The following RPS6KA4 variants were observed in gnomAD, a reference collection of about 807,000 sequenced individuals.
The protein encoded by RPS6KA4 is ribosomal protein S6 kinase A4.
A neutral mutation model predicts 89.6 loss-of-function variants in RPS6KA4; 38 were observed. The ratio of observed to expected loss-of-function variants is 0.42; its 90% CI spans 0.33 to 0.56. The LOEUF is 0.56. Among genes scored for constraint, RPS6KA4 ranks in the 20% least tolerant of loss-of-function variants. The pLI, the probability that RPS6KA4 is intolerant of heterozygous loss-of-function variation, is 0.07. For synonymous variants in RPS6KA4, 495 were observed against 492.8 expected, an observed-to-expected ratio of 1.00 and a Z score of -0.06; for missense variants, 873 against 1,098.8, an observed-to-expected ratio of 0.79 and a Z score of 2.90.
At chr11:64,362,418 C>T (rs2036779242) in intron 8 of RPS6KA4, among the ~76,000 whole-genome samples, 2 of 152,234 alleles carry the variant, frequency 1.3e-5, no homozygotes, top group East Asian at 3.8e-4. Context: ...GCATTTTGTT[C>T]TTTGTCCCCG....
At chr11:64,359,863 A>G in intron 2 of RPS6KA4, 2 of 539,236 alleles carry the variant, frequency 3.7e-6, no homozygotes, top group East Asian at 3.2e-5. Flanking sequence ...ATCTTTTCAC[A>G]TCCATCTGAT....
rs199836004 is a variant in RPS6KA4, at chr11:64,368,202, C to T, written c.1142C>T (p.Ala381Val). Residue 381 changes from alanine to valine, a missense_variant, in exon 10 of 17, where the codon GCG becomes GTG. By Grantham distance (64) the Ala-to-Val change is moderately conservative. Around this residue, in one of 4 missense-constraint regions of RPS6KA4, gnomAD observed 542 missense variants for 736.4 expected, o/e 0.74. Transcript: ENST00000334205. ...NNAVMTDGLE[A>V]PGAGDRPGRA... ...GCGGTGATGACCGATGGGCTGGAAG[C>T]GCCTGGTGCTGGAGACCGGCCAGGT... The T allele has an allele frequency of 1.9e-6, 3 of 1,613,698 alleles. No individual in the cohort carries two copies. The highest frequency in any genetic ancestry group is 2.5e-6 in the Non-Finnish European group (3 of 1,180,016).
chr11:64,365,244 G>A, intron 8 of RPS6KA4, 57 bp from the exon 9 acceptor site: 2 of 1,574,928 alleles, frequency 1.3e-6, no homozygotes, highest in Non-Finnish European at 1.7e-6. Flanking sequence ...TGGGCTGAGT[G>A]GAGGGAGTTT....
intron 8 of RPS6KA4, among the ~76,000 whole-genome samples, chr11:64,362,959 C>T (rs2036794189): frequency 6.6e-6 from 1 of 152,200 alleles, no homozygotes; most frequent in African/African-American, 2.4e-5. Flanking sequence ...GTGTGAGCCA[C>T]CACGCCCTGC....
chr11:64,368,563 G>C lies in RPS6KA4; in HGVS notation c.1296G>C (p.Gln432His), dbSNP rs1591318030. The C allele has an allele frequency of 6.3e-7, 1 of 1,598,702 alleles. No homozygotes were observed. The highest frequency in any genetic ancestry group is 8.5e-7 in the Non-Finnish European group (1 of 1,175,120). ...FSVCRRCRQRQSGQEFAVKIL... is the reference protein window; with the variant it reads ...FSVCRRCRQRHSGQEFAVKIL... Reference sequence around the variant, plus strand: ...TGTGTCGCCGCTGCCGCCAGCGCCAGAGCGGCCAGGAGTTCGCAGTCAAGA... The same window carrying C: ...TGTGTCGCCGCTGCCGCCAGCGCCACAGCGGCCAGGAGTTCGCAGTCAAGA... Residue 432 changes from glutamine (Q) to histidine (H), a missense_variant, in exon 11 of 17, where the codon CAG becomes CAC. Physicochemically the swap from Gln to His is conservative, Grantham distance 24. Coordinates refer to ENST00000334205, the MANE Select transcript of RPS6KA4 (RefSeq NM_003942.3).
rs2036670667 is a variant in RPS6KA4, at chr11:64,359,280, G to A, written c.45G>A (p.Arg15=). ...ATGAGAGCTGCGCCGTGGAGCTGCG[G>A]ATCACAGAAGGTGGGTGTGGGGCCT... ...DDDESCAVEL[R]ITEANLTGHE... The change falls in exon 1 of 17, where the codon CGG becomes CGA. Residue 15 remains arginine, a synonymous_variant. Transcript: ENST00000334205. 6.4e-7 allele frequency: 1 copy of A among 1,570,488 alleles called. No individual in the cohort carries two copies. The highest frequency in any genetic ancestry group is 8.7e-7 in the Non-Finnish European group (1 of 1,155,980).
Position 64,360,216 on chromosome 11 carries a change from C to T in RPS6KA4, c.181C>T (p.Leu61=). 1 of 1,548,390 alleles carries T rather than the reference C, an allele frequency of 6.5e-7. No individual in the cohort carries two copies. Among genetic ancestry groups the T allele is most frequent in the Non-Finnish European group, 8.7e-7 (1 of 1,146,944 alleles). Residue 61 remains leucine, a synonymous_variant, in exon 3 of 17, where the codon CTG becomes TTG. Coordinates refer to ENST00000334205, the MANE Select transcript of RPS6KA4 (RefSeq NM_003942.3). ...RKAGGHDAGK[L]YAMKVLRKAA... is the part of the protein sequence containing the mutation. ...GGCGGGCGGGCACGACGCGGGGAAG[C>T]TGTACGCCATGAAGGTGCTGCGCAA... is the stretch of plus-strand genomic sequence containing the variant.
At chr11:64,368,640 G>T (rs961380825) in intron 11 of RPS6KA4, 39 bp downstream of exon 11, 1 of 1,579,684 alleles carries the variant, frequency 6.3e-7, no homozygotes, top group Non-Finnish European at 8.6e-7. Context: ...GGGGGTGGCA[G>T]AGCGCTGTCC....
At chr11:64,365,207 C>G in intron 8 of RPS6KA4, 94 bp from the exon 9 acceptor site, 1 of 1,454,802 alleles carries the variant, frequency 6.9e-7, no homozygotes, top group Non-Finnish European at 9.4e-7. Flanking sequence ...TGGGCCCTTG[C>G]CTCATGGAGG....
intron 9 of RPS6KA4, among the ~76,000 whole-genome samples, chr11:64,367,468 G>A (rs996508510): frequency 5.3e-5 from 8 of 152,142 alleles, no homozygotes; most frequent in South Asian, 4.1e-4. Flanking sequence ...GTGCCACCAC[G>A]CCTGGCTAAT....
intron 4 of RPS6KA4, among the ~76,000 whole-genome samples, chr11:64,360,812 C>T (rs1417268595): frequency 1.3e-5 from 2 of 152,150 alleles, no homozygotes; most frequent in East Asian, 1.9e-4. Flanking sequence ...AGGGGCTTTC[C>T]TCTTTCAGGG....
At position 64,370,601 on chromosome 11, in the gene RPS6KA4, G is replaced by T; in HGVS notation, c.1996G>T (p.Glu666Ter). 1 of 1,587,842 alleles carries T rather than the reference G, an allele frequency of 6.3e-7. No individual in the cohort carries two copies. The highest frequency in any genetic ancestry group is 8.5e-7 in the Non-Finnish European group (1 of 1,174,002). ...TVDPAKRLKL[E>*]GLRGSSWLQD... ...GGACCCCGCCAAGCGGCTGAAGCTCGAGGGACTGCGGGGCAGCTCGTGGCT... is the reference window on the plus strand; with the variant it reads ...GGACCCCGCCAAGCGGCTGAAGCTCTAGGGACTGCGGGGCAGCTCGTGGCT... The change falls in exon 16 of 17, where the codon GAG becomes TAG. Residue 666 changes from glutamate to a stop codon, truncating the protein, a stop_gained. Coordinates refer to ENST00000334205, the MANE Select transcript of RPS6KA4 (RefSeq NM_003942.3). LOFTEE classifies it high-confidence loss of function. The surrounding 1 kb of genome is among the most constrained non-coding windows in gnomAD (Gnocchi z 4.1).
chr11:64,360,745 C>G lies in RPS6KA4; in HGVS notation c.462+153C>G, dbSNP rs527557774. ...GAATTGGAGCTGCTTCCCCTGGACC[C>G]CTTGCAGGAAGCCTCAACGTTGCCT... is the stretch of plus-strand genomic sequence containing the variant. On this transcript the variant is annotated intron_variant, in intron 4 of 16. Coordinates refer to ENST00000334205, the MANE Select transcript of RPS6KA4 (RefSeq NM_003942.3). 173 of 672,042 alleles carry G rather than the reference C, an allele frequency of 2.6e-4. 1 individual carries two copies. Among genetic ancestry groups the G allele is most frequent in the Middle Eastern group, 2.0e-3 (5 of 2,458 alleles). 41.6% of individuals were successfully genotyped at this position (672,042 alleles called of 1,614,324 possible). A position where few individuals can be genotyped will look rare whatever the true frequency, so the allele number is the denominator to read the frequency against.
rs2037020234 is a variant in RPS6KA4 at position 64,370,170 on chromosome 11, G to A, written c.1798-55G>A. 2 of 1,502,894 alleles carry A rather than the reference G, an allele frequency of 1.3e-6. No individual in the cohort carries two copies. The highest frequency in any genetic ancestry group is 2.3e-5 in the East Asian group (1 of 42,876). The allele number at this position is 1,502,894 out of a possible 1,614,324, so 93.1% of individuals were successfully genotyped here. The stretch of plus-strand genomic sequence containing the variant: ...GTGAGTGGTTCTGTGGGAGCGGAGG[G>A]GTCAGCCTCGGCACCCCAGCCTGGG... On this transcript the variant is annotated intron_variant, in intron 14 of 16. Transcript: ENST00000334205. This position sits in a 1 kb window ranked among gnomAD's most constrained non-coding sequence, Gnocchi z 4.1.
intron 2 of RPS6KA4, chr11:64,359,697 G>A: frequency 1.8e-6 from 1 of 565,352 alleles, no homozygotes; most frequent in Non-Finnish European, 3.1e-6. Context: ...AACACCCTGG[G>A]GAGGGGGACT....
chr11:64,361,716 C>T lies in RPS6KA4; in HGVS notation c.726C>T (p.Gly242=), dbSNP rs370934199. The change falls in exon 7 of 17, where the codon GGC becomes GGT. Residue 242 remains glycine, a synonymous_variant. Coordinates refer to ENST00000334205, the MANE Select transcript of RPS6KA4 (RefSeq NM_003942.3). The surrounding 1 kb of genome is among the most constrained non-coding windows in gnomAD (Gnocchi z 4.7). The part of the protein sequence containing the change: ...LTGASPFTLE[G]ERNTQAEVSR... ...GGGCCTCGCCCTTCACCCTGGAGGGCGAGAGGAACACGCAGGCTGAGGTGT... is the reference window on the plus strand; with the variant it reads ...GGGCCTCGCCCTTCACCCTGGAGGGTGAGAGGAACACGCAGGCTGAGGTGT... 2.3e-5 allele frequency: 37 copies of T among 1,609,108 alleles called. No individual in the cohort carries two copies. The highest frequency in any genetic ancestry group is 1.7e-4 in the Admixed American group (10 of 58,760).
intron 8 of RPS6KA4, among the ~76,000 whole-genome samples, chr11:64,362,308 A>C (rs1293938454): frequency 2.6e-5 from 4 of 152,218 alleles, no homozygotes; most frequent in Non-Finnish European, 4.4e-5. Context: ...CGGCACAGTA[A>C]ATGGTGCCGA....
rs1190125931 is a variant in RPS6KA4, at chr11:64,370,702, C to G, written c.2097C>G (p.Arg699=). 6.4e-7 allele frequency: 1 copy of G among 1,566,172 alleles called. No individual in the cohort carries two copies. Among genetic ancestry groups the G allele is most frequent in the South Asian group, 1.1e-5 (1 of 87,424 alleles). Residue 699 remains arginine (R), a synonymous_variant, in exon 16 of 17, where the codon CGC becomes CGG. Transcript: ENST00000334205. This position sits in a 1 kb window ranked among gnomAD's most constrained non-coding sequence, Gnocchi z 4.1. ...TCGAGTCCTCTGGGCCCGCAGTGCG[C>G]TCGGGTCTCAACGCCACCTTCATGG... ...DVLESSGPAV[R]SGLNATFMAF...
At position 64,371,338 on chromosome 11, in the gene RPS6KA4, C is replaced by T; in HGVS notation, c.2177C>T (p.Pro726Leu). The T allele has an allele frequency of 1.9e-6, 3 of 1,612,824 alleles. No individual in the cohort carries two copies. The highest frequency in any genetic ancestry group is 2.5e-6 in the Non-Finnish European group (3 of 1,179,940). ...GFFLKSVENAPLAKRRKQKLR... is the reference protein window; with the variant it reads ...GFFLKSVENALLAKRRKQKLR... ...TTCCTGAAGAGCGTGGAGAATGCAC[C>T]CCTGGCCAAGCGGCGGAAGCAGAAG... Residue 726 changes from proline (P) to leucine (L), a missense_variant, in exon 17 of 17, where the codon CCC becomes CTC. Around this residue, in one of 4 missense-constraint regions of RPS6KA4, gnomAD observed 278 missense variants for 284.8 expected, o/e 0.98. Coordinates refer to ENST00000334205, the MANE Select transcript of RPS6KA4 (RefSeq NM_003942.3).
Sources: gnomAD v4.1 joint callset for allele counts (sites outside exome capture counted in the v4.1 genomes callset) on GRCh38, gnomAD v4.1.1 for gene constraint, gnomAD v4.1.1 regional missense constraint, Gnocchi (gnomAD v3.1) non-coding constraint, MANE v1.5 for transcripts, NCBI Gene and HGNC (gene_info 2026-07-23, HGNC 2026-07-21) for gene names.